Variants in CCDC150 observed in about 807,000 individuals in gnomAD.
CCDC150 encodes the protein coiled-coil domain-containing protein 150.
A neutral mutation model predicts 156.5 loss-of-function variants in CCDC150; 151 were observed. The ratio of observed to expected loss-of-function variants is 0.97; its 90% CI spans 0.85 to 1.10. The LOEUF is 1.10. Ranked by LOEUF, CCDC150 falls within the 50% of genes least tolerant of loss-of-function variation. The pLI is 0.00. For synonymous variants in CCDC150, 452 were observed against 429.4 expected (o/e 1.05, Z -0.65); for missense variants, 1,312 against 1,268.1 (o/e 1.03, Z -0.53).
chr2:196,663,237 TCAAAAA>T (rs550485575), intron 5 of CCDC150, among the ~76,000 whole-genome samples: 52 of 151,948 alleles, frequency 3.4e-4, no homozygotes, highest in Non-Finnish European at 5.1e-4. Flanking sequence ...AGACCCAGTC[TCAAAAA>T]CAAAAACAAA....
intron 7 of CCDC150, among the ~76,000 whole-genome samples, chr2:196,668,295 T>TA (rs55945331): frequency 0.092 from 8,463 of 91,884 alleles, 327 homozygotes; most frequent in African/African-American, 0.15. Context: ...AAACTCCATC[T>TA]AAAAAAAAAA....
chr2:196,662,150 G>A (rs1559222580), intron 5 of CCDC150, among the ~76,000 whole-genome samples: 1 of 152,014 alleles, frequency 6.6e-6, no homozygotes, highest in African/African-American at 2.4e-5. Flanking sequence ...ACTAAAATCT[G>A]AAAAAATATA....
At chr2:196,667,207 C>T (rs933425195) in intron 7 of CCDC150, 9 of 291,506 alleles carry the variant, frequency 3.1e-5, no homozygotes, top group African/African-American at 2.0e-4. Flanking sequence ...GGCCATGAAT[C>T]CTTGATGACT....
chr2:196,705,563 C>G (rs1197619864), intron 15 of CCDC150, among the ~76,000 whole-genome samples: 1 of 152,124 alleles, frequency 6.6e-6, no homozygotes, highest in African/African-American at 2.4e-5. Flanking sequence ...TAATTAGATC[C>G]CATTTGTCAA....
chr2:196,703,608 G>T (rs1369581938), intron 15 of CCDC150, among the ~76,000 whole-genome samples: 1 of 152,084 alleles, frequency 6.6e-6, no homozygotes, highest in Non-Finnish European at 1.5e-5. Flanking sequence ...TGAAATGAAT[G>T]ATCTTATAAG....
intron 10 of CCDC150, among the ~76,000 whole-genome samples, chr2:196,675,108 A>C (rs983832571): frequency 6.6e-6 from 1 of 152,154 alleles, no homozygotes; most frequent in Non-Finnish European, 1.5e-5. Context: ...CCTATTCTGC[A>C]TTCTCTAGTA....
chr2:196,705,769 T>G (rs1696581793), intron 15 of CCDC150, among the ~76,000 whole-genome samples: 1 of 152,254 alleles, frequency 6.6e-6, no homozygotes, highest in Non-Finnish European at 1.5e-5. Flanking sequence ...TTTCTACATA[T>G]GGCTAGCCAG....
In CCDC150 at chr2:196,700,438, G is replaced by A. The variant is rs374475548; in HGVS notation, c.1624-671G>A. 7.9e-5 allele frequency among the ~76,000 whole-genome samples: 12 copies of A among 152,254 alleles called. No homozygotes were observed. The East Asian group carries it at 2.1e-3, about 27-fold the overall frequency. On this transcript the variant is annotated intron_variant, in intron 14 of 27. Transcript: ENST00000389175. ...TAATGGTGCCCCTCATATAAAGAAA[G>A]TACCAATATGGCCCAAAATTTAAAT... is the stretch of plus-strand genomic sequence containing the variant.
At chr2:196,672,919 C>G (rs1010609457) in intron 9 of CCDC150, among the ~76,000 whole-genome samples, 1 of 152,112 alleles carries the variant, frequency 6.6e-6, no homozygotes, top group Non-Finnish European at 1.5e-5. Flanking sequence ...ATATGTGCAT[C>G]TGCAACAAAA....
chr2:196,687,612 A>T (rs575212320), intron 13 of CCDC150, among the ~76,000 whole-genome samples: 1 of 152,106 alleles, frequency 6.6e-6, no homozygotes. Flanking sequence ...ATTAGATCCC[A>T]TTTGTCAATT....
At chr2:196,640,527 A>G (rs537079202) in intron 1 of CCDC150, among the ~76,000 whole-genome samples, 7 of 152,328 alleles carry the variant, frequency 4.6e-5, no homozygotes, top group East Asian at 1.9e-4. Flanking sequence ...CACAAATTCA[A>G]TAATGTATTT....
At chr2:196,713,475 T>G in intron 17 of CCDC150, 1 of 1,550,822 alleles carries the variant, frequency 6.4e-7, no homozygotes, top group Non-Finnish European at 8.7e-7. Context: ...TTGCCTAGTG[T>G]TATTCCAAAC....
chr2:196,702,374 T>TGTGTGTGTGTGA (rs1575885603), intron 15 of CCDC150, among the ~76,000 whole-genome samples: 1 of 149,428 alleles, frequency 6.7e-6, no homozygotes, highest in Non-Finnish European at 1.5e-5. Flanking sequence ...TGTGTGTGTG[T>TGTGTGTGTGTGA]GTGAGATGAG....
At position 196,676,235 on chromosome 2, in the gene CCDC150, T is replaced by C. The variant is rs375795833; in HGVS notation, c.1230T>C (p.Val410=). The C allele has an allele frequency of 6.8e-6, 11 of 1,613,696 alleles. No individual in the cohort carries two copies. Among genetic ancestry groups the C allele is most frequent in the Non-Finnish European group, 7.6e-6 (9 of 1,179,682 alleles). Residue 410 remains valine (V), a synonymous_variant, in exon 11 of 28, where the codon GTT becomes GTC. Coordinates refer to ENST00000389175, the MANE Select transcript of CCDC150 (RefSeq NM_001080539.2). ...GTATCACAAATGAACTACAGACTGT[T>C]CAGAATGAGAAAACCCAACTCCAGG... ...HASITNELQT[V]QNEKTQLQAH... is the part of the protein sequence containing the mutation.
chr2:196,720,543 G>T (rs762210346), intron 19 of CCDC150, 32 bp from the exon 20 acceptor site: 3 of 1,567,610 alleles, frequency 1.9e-6, no homozygotes, highest in Non-Finnish European at 1.8e-6. Context: ...ATTCTTTTCT[G>T]TAGTCACTCT....
intron 5 of CCDC150, among the ~76,000 whole-genome samples, chr2:196,664,778 C>A (rs527778350): frequency 6.6e-6 from 1 of 152,112 alleles, no homozygotes; most frequent in Non-Finnish European, 1.5e-5. Context: ...TTCCCCCACC[C>A]CCCAGCCAAT....
intron 15 of CCDC150, among the ~76,000 whole-genome samples, chr2:196,708,266 T>G (rs1179673404): frequency 6.6e-6 from 1 of 152,218 alleles, no homozygotes; most frequent in Non-Finnish European, 1.5e-5. Flanking sequence ...TGTAATGGCC[T>G]TCTTTGTCTC....
intron 13 of CCDC150, among the ~76,000 whole-genome samples, chr2:196,684,179 A>G (rs1168582124): frequency 6.6e-6 from 1 of 152,062 alleles, no homozygotes; most frequent in Non-Finnish European, 1.5e-5. Context: ...ATAAAAAATA[A>G]GTTTCTGCAG....
chr2:196,729,677 C>A, intron 23 of CCDC150, 116 bp from the exon 24 acceptor site: 2 of 751,692 alleles, frequency 2.7e-6, no homozygotes, highest in Non-Finnish European at 4.4e-6. Flanking sequence ...GAAAGCTCAG[C>A]AGGAACTGGT....
Sources: allele counts gnomAD v4.1 joint callset (sites outside exome capture counted in the v4.1 genomes callset), GRCh38; gene constraint gnomAD v4.1.1; transcripts MANE v1.5; gene names NCBI Gene and HGNC (gene_info 2026-07-23, HGNC 2026-07-21).